The following KIF21B variants were observed in gnomAD, a reference collection of about 807,000 sequenced individuals.
KIF21B encodes the protein kinesin-like protein KIF21B.
In KIF21B, 85 loss-of-function variants were observed where a neutral mutation model predicts 192.9. The observed-to-expected ratio is 0.44, with a 90% CI of 0.37 to 0.53. The LOEUF (loss-of-function observed/expected upper bound fraction) is 0.53, where lower values mean the gene tolerates loss of function less well. Among genes scored for constraint, KIF21B ranks in the 20% least tolerant of loss-of-function variants. KIF21B has a pLI of 0.00. For missense variants in KIF21B, 1,716 were observed against 2,194.8 expected, an observed-to-expected ratio of 0.78 and a Z score of 4.36; for synonymous variants, 832 against 884.6, an observed-to-expected ratio of 0.94 and a Z score of 1.05.
intron 1 of KIF21B, among the ~76,000 whole-genome samples, chr1:201,012,585 G>A (rs895789236): frequency 2.0e-5 from 3 of 152,180 alleles, no homozygotes; most frequent in African/African-American, 7.2e-5. Context: ...TGATCTGGCT[G>A]ACTGAATGCC....
chr1:200,988,671 G>T (rs1350813112), intron 22 of KIF21B, 95 bp downstream of exon 22: 4 of 1,511,002 alleles, frequency 2.6e-6, no homozygotes, highest in Non-Finnish European at 3.6e-6. Flanking sequence ...GGGGGTTAGG[G>T]GTGGTTCTGG....
intron 1 of KIF21B, among the ~76,000 whole-genome samples, chr1:201,019,686 T>C (rs1239880659): frequency 2.0e-5 from 3 of 152,124 alleles, no homozygotes; most frequent in African/African-American, 7.2e-5. Flanking sequence ...ATAAACCCTA[T>C]TTCTGCAGCA....
At chr1:201,009,032 T>C (rs1658080441) in intron 2 of KIF21B, 81 bp from the exon 3 acceptor site, 2 of 1,463,250 alleles carry the variant, frequency 1.4e-6, no homozygotes, top group Non-Finnish European at 9.2e-7. Flanking sequence ...CAAATCCCCT[T>C]AGCTCATCTA....
chr1:200,999,511 G>T lies in KIF21B; in HGVS notation c.1768-45C>A. The T allele has an allele frequency of 6.3e-7, 1 of 1,598,050 alleles. No individual in the cohort carries two copies. ...GGGGTGGGCCTGGCCTCAGAGAGGG[G>T]AGCCCAGAAGCAGAGGTGCATCCCG... On this transcript the variant is annotated intron_variant, in intron 12 of 34. Transcript: ENST00000461742. The surrounding 1 kb of genome is among the most constrained non-coding windows in gnomAD (Gnocchi z 4.7).
chr1:201,023,198 G>A lies in KIF21B; in HGVS notation c.41+145C>T. On this transcript the variant is annotated intron_variant, in intron 1 of 34. Transcript: ENST00000461742. The surrounding 1 kb of genome is among the most constrained non-coding windows in gnomAD (Gnocchi z 5.9). ...CCTGCGGCAGACTGGCCAGCGCGCG[G>A]CGCCCTCCATCCCGTCCCACGCCGG... 3.3e-6 allele frequency: 2 copies of A among 598,614 alleles called. No individual in the cohort carries two copies. The highest frequency in any genetic ancestry group is 5.2e-6 in the Non-Finnish European group (2 of 386,574). The allele number at this position is 598,614 out of a possible 1,614,324, so 37.1% of individuals were successfully genotyped here.
At chr1:201,020,798 C>T (rs1658773351) in intron 1 of KIF21B, among the ~76,000 whole-genome samples, 1 of 139,610 alleles carries the variant, frequency 7.2e-6, no homozygotes, top group Non-Finnish European at 1.6e-5. Flanking sequence ...GCCCTGGGAC[C>T]TCTCTCCTCT....
rs1658107405 is a variant in KIF21B, at chr1:201,009,416, G to T, written c.114C>A (p.Pro38=). The part of the protein sequence containing the change: ...HICTSVTPGE[P]QVLLGKDKAF... ...CCTTGTCCTTCCCCAGCAGGACCTGGGGCTCTCCCGGGGTAACAGAGGTAC... is the reference window on the plus strand; with the variant it reads ...CCTTGTCCTTCCCCAGCAGGACCTGTGGCTCTCCCGGGGTAACAGAGGTAC... The change falls in exon 2 of 35, where the codon CCC becomes CCA. Residue 38 remains proline (P), a synonymous_variant. Coordinates refer to ENST00000461742, the MANE Select transcript of KIF21B (RefSeq NM_001252102.2). 1 of 1,614,236 alleles carries T rather than the reference G, an allele frequency of 6.2e-7. No individual in the cohort carries two copies.
chr1:201,019,127 G>A (rs943093867), intron 1 of KIF21B, among the ~76,000 whole-genome samples: 6 of 152,118 alleles, frequency 3.9e-5, no homozygotes, highest in African/African-American at 1.4e-4. Flanking sequence ...TAGAGATGGA[G>A]CTTCACCATA....
intron 17 of KIF21B, 117 bp downstream of exon 17, chr1:200,991,540 C>T (rs1262650290): frequency 1.7e-5 from 18 of 1,053,220 alleles, no homozygotes; most frequent in East Asian, 5.0e-5. Flanking sequence ...TGGGAAATAC[C>T]GCCTTTATTC....
rs1159720557 is a variant in KIF21B, at chr1:200,998,542, G to A, written c.1919C>T (p.Thr640Ile). Reference protein sequence around the residue: ...VNFQADLADLTCEIEIKQKLI... With the variant: ...VNFQADLADLICEIEIKQKLI... ...CTTCTGCTTGATTTCGATCTCACAAGTCAGGTCGGCCAGGTCCGCCTGGAA... is the reference window on the plus strand; with the variant it reads ...CTTCTGCTTGATTTCGATCTCACAAATCAGGTCGGCCAGGTCCGCCTGGAA... The change falls in exon 14 of 35, where the codon ACT (threonine) becomes ATT (isoleucine). Residue 640 changes from threonine (T) to isoleucine (I), a missense_variant. By Grantham distance (89) the Thr-to-Ile change is moderately conservative. Coordinates refer to ENST00000461742, the MANE Select transcript of KIF21B (RefSeq NM_001252102.2). The surrounding 1 kb of genome is among the most constrained non-coding windows in gnomAD (Gnocchi z 4.3). 6.2e-7 allele frequency: 1 copy of A among 1,613,854 alleles called. No homozygotes were observed. The highest frequency in any genetic ancestry group is 8.5e-7 in the Non-Finnish European group (1 of 1,180,022).
intron 22 of KIF21B, 80 bp from the exon 23 acceptor site, chr1:200,988,624 A>G (rs1013370279): frequency 5.5e-6 from 8 of 1,446,548 alleles, no homozygotes; most frequent in Non-Finnish European, 7.5e-6. Context: ...TCTCCCTCCT[A>G]TATCTCACCC....
chr1:200,982,423 G>C lies in KIF21B; in HGVS notation c.3842+633C>G, dbSNP rs1486550829. The stretch of plus-strand genomic sequence containing the variant: ...GGCTTGTCAGGGGCTCGGGACCCCA[G>C]GTCCTGAGTCTTGCTCCTCGTTGTG... On this transcript the variant is annotated intron_variant, in intron 28 of 34. Transcript: ENST00000461742. This position sits in a 1 kb window ranked among gnomAD's most constrained non-coding sequence, Gnocchi z 4.7. Among the ~76,000 whole-genome samples the C allele has an allele frequency of 6.6e-6, 1 of 152,218 alleles. No individual in the cohort carries two copies. Among genetic ancestry groups the C allele is most frequent in the African/African-American group, 2.4e-5 (1 of 41,458 alleles).
At chr1:201,012,287 G>A (rs1001504819) in intron 1 of KIF21B, among the ~76,000 whole-genome samples, 3 of 152,242 alleles carry the variant, frequency 2.0e-5, no homozygotes, top group Admixed American at 2.0e-4. Context: ...GGGAGACAGG[G>A]GGGCATGGAC....
At position 200,969,491 on chromosome 1, in the gene KIF21B, T is replaced by G. The variant is rs1236805279; in HGVS notation, c.*4030A>C. 1 of 152,834 alleles carries G rather than the reference T, an allele frequency of 6.5e-6. No individual in the cohort carries two copies. The highest frequency in any genetic ancestry group is 2.4e-5 in the African/African-American group (1 of 41,466). The allele number at this position is 152,834 out of a possible 1,614,324, so 9.5% of individuals were successfully genotyped here. A position where few individuals can be genotyped will look rare whatever the true frequency, so the allele number is the denominator to read the frequency against. On this transcript the variant is annotated 3_prime_UTR_variant, in exon 35 of 35. Transcript: ENST00000461742. Reference sequence around the variant, plus strand: ...GGGCTTAAATAACTTTCATACACTATGTACAGCCATCGGCAGAGGTACAAA... The same window carrying G: ...GGGCTTAAATAACTTTCATACACTAGGTACAGCCATCGGCAGAGGTACAAA...
intron 32 of KIF21B, among the ~76,000 whole-genome samples, chr1:200,976,521 T>C (rs1655559110): frequency 6.6e-6 from 1 of 152,256 alleles, no homozygotes; most frequent in African/African-American, 2.4e-5. Flanking sequence ...ATGCATCCCA[T>C]TTAGTGGATT....
At position 200,977,377 on chromosome 1, in the gene KIF21B, C is replaced by T; in HGVS notation, c.4161-1G>A. On this transcript the variant is annotated splice_acceptor_variant, in intron 30 of 34. Coordinates refer to ENST00000461742, the MANE Select transcript of KIF21B (RefSeq NM_001252102.2). LOFTEE classifies it high-confidence loss of function. ...CCCTGAGATCACCTGGCCCGAGGAC[C>T]TGCCCATCGGAGAAAGGCAAGGCCA... 1 of 1,613,662 alleles carries T rather than the reference C, an allele frequency of 6.2e-7. No homozygotes were observed. Among genetic ancestry groups the T allele is most frequent in the Non-Finnish European group, 8.5e-7 (1 of 1,179,586 alleles).
chr1:201,009,004 C>A (rs1025351347), intron 2 of KIF21B, 53 bp from the exon 3 acceptor site: 1 of 1,549,546 alleles, frequency 6.5e-7, no homozygotes, highest in Non-Finnish European at 8.7e-7. Context: ...GGGGCACCAG[C>A]AAGCCCTGTA....
chr1:201,019,128 C>T (rs7526353), intron 1 of KIF21B, among the ~76,000 whole-genome samples: 84,889 of 151,938 alleles, frequency 0.56, 26,111 homozygotes, highest in African/African-American at 0.83. Flanking sequence ...AGAGATGGAG[C>T]TTCACCATAT....
chr1:201,013,976 G>A (rs984789801), intron 1 of KIF21B, among the ~76,000 whole-genome samples: 6 of 152,184 alleles, frequency 3.9e-5, no homozygotes, highest in Non-Finnish European at 1.5e-5. Flanking sequence ...TCTGCCAGGA[G>A]GGAGGGCCGG....
Sources: allele counts gnomAD v4.1 joint callset (sites outside exome capture counted in the v4.1 genomes callset), GRCh38; gene constraint gnomAD v4.1.1; non-coding constraint Gnocchi (gnomAD v3.1); transcripts MANE v1.5; gene names NCBI Gene and HGNC (gene_info 2026-07-23, HGNC 2026-07-21).